CACNA1C: variants seen among roughly 807,000 people sequenced by gnomAD.
CACNA1C encodes the protein calcium voltage-gated channel subunit alpha1 C.
In CACNA1C, 30 loss-of-function variants were observed where a neutral mutation model predicts 229.0. The ratio of observed to expected loss-of-function variants is 0.13; its 90% confidence interval spans 0.10 to 0.18. CACNA1C has a LOEUF of 0.18. Among genes scored for constraint, CACNA1C ranks in the 10% least tolerant of loss-of-function variants. CACNA1C has a pLI of 1.00. For missense variants in CACNA1C, 1,658 were observed against 2,845.0 expected, an observed-to-expected ratio of 0.58 and a Z score of 9.49; for synonymous variants, 1,114 against 1,132.5, an observed-to-expected ratio of 0.98 and a Z score of 0.33.
chr12:2,589,612 C>CAGGGGATGGTGCCGGAGATGCAGAGAAG (rs1215149464), intron 18 of CACNA1C, among the ~76,000 whole-genome samples: 2 of 152,016 alleles, frequency 1.3e-5, no homozygotes, highest in Admixed American at 6.6e-5. Flanking sequence ...GAGGCTGGGT[C>CAGGGGATGGTGCCGGAGATGCAGAGAAG]TGATCCAGTG....
chr12:2,513,267 A>G (rs1340619111), intron 9 of CACNA1C, among the ~76,000 whole-genome samples: 2 of 152,240 alleles, frequency 1.3e-5, no homozygotes, highest in Admixed American at 1.3e-4. Flanking sequence ...TTAAAATCAG[A>G]GATCCTTCTC....
intron 3 of CACNA1C, among the ~76,000 whole-genome samples, chr12:2,340,095 T>C (rs1053169964): frequency 1.3e-5 from 2 of 152,244 alleles, no homozygotes; most frequent in African/African-American, 4.8e-5. Context: ...GTGTTCATAA[T>C]TCATCTGCTG....
In CACNA1C at chr12:2,462,703, C is replaced by G. The variant is rs548047339; in HGVS notation, c.757+4997C>G. Among the ~76,000 whole-genome samples the G allele has an allele frequency of 7.9e-5, 12 of 152,316 alleles. 1 individual carries two copies. The highest frequency in any genetic ancestry group is 3.4e-3 in the Middle Eastern group (1 of 294). On this transcript the variant is annotated intron_variant, in intron 5 of 46. Transcript: ENST00000399655. The stretch of plus-strand genomic sequence containing the variant: ...ACTAAAATGATGTGAGTGGTGCCAG[C>G]TTCCTGGACATGTGCCTTTGCTGGC...
At chr12:2,093,346 T>G (rs1565632719) in intron 1 of CACNA1C, among the ~76,000 whole-genome samples, 1 of 152,218 alleles carries the variant, frequency 6.6e-6, no homozygotes, top group Non-Finnish European at 1.5e-5. Context: ...CTGATGCTTC[T>G]TGACCACTTG....
At chr12:2,340,759 C>T (rs1480795748) in intron 3 of CACNA1C, among the ~76,000 whole-genome samples, 2 of 152,158 alleles carry the variant, frequency 1.3e-5, no homozygotes, top group Non-Finnish European at 2.9e-5. Flanking sequence ...AGATCGAGAC[C>T]ATCCTGGTTA....
At chr12:2,061,620 A>C (rs1594731986) in intron 1 of CACNA1C, among the ~76,000 whole-genome samples, 1 of 152,016 alleles carries the variant, frequency 6.6e-6, no homozygotes, top group African/African-American at 2.4e-5. Flanking sequence ...GCAGCTGTCC[A>C]CCTGCCATGC....
rs115509353 is a variant in CACNA1C, at chr12:2,285,652, C to G, written c.478-163324C>G. Among the ~76,000 whole-genome samples, 1 of 152,164 alleles carries G rather than the reference C, an allele frequency of 6.6e-6. No individual in the cohort carries two copies. The highest frequency in any genetic ancestry group is 1.5e-5 in the Non-Finnish European group (1 of 68,022). ...CAGAGTGATGGACGAGACTTACTTT[C>G]GACGTTCCTAGGCTCCCTTCCACCG... On this transcript the variant is annotated intron_variant, in intron 3 of 46. Transcript: ENST00000399655. The surrounding 1 kb of genome is among the most constrained non-coding windows in gnomAD (Gnocchi z 4.2).
rs1044254864 is a variant in CACNA1C at position 1,988,305 on chromosome 12, A to G, written c.139+17104A>G. Among the ~76,000 whole-genome samples the G allele has an allele frequency of 3.9e-5, 6 of 152,236 alleles. No homozygotes were observed. The East Asian group carries it at 1.2e-3, about 29-fold the overall frequency. ...TCTGCCTGGAATATTGCTGGTCATC[A>G]TGGCAGAAGGAAAAAAGGCAGTAAA... On this transcript the variant is annotated intron_variant, in intron 1 of 46. Coordinates refer to the CACNA1C transcript ENST00000682462.
At position 2,440,137 on chromosome 12, in the gene CACNA1C, C is replaced by T. The variant is rs562215539; in HGVS notation, c.478-8839C>T. 9.9e-5 allele frequency among the ~76,000 whole-genome samples: 15 copies of T among 152,282 alleles called. No individual in the cohort carries two copies. In the South Asian group the frequency reaches 3.1e-3, roughly 32 times the overall value. ...TTTTATTGTGGTAAAATATATATAA[C>T]ACAATTTACCATTCTAACCATTTTT... is the stretch of plus-strand genomic sequence containing the variant. On this transcript the variant is annotated intron_variant, in intron 3 of 46. Transcript: ENST00000399655.
At chr12:2,680,215 G>A in intron 42 of CACNA1C, 2 of 585,764 alleles carry the variant, frequency 3.4e-6, no homozygotes, top group Non-Finnish European at 5.7e-6. Flanking sequence ...CCCTTTGCCA[G>A]CCTCCCGGAG....
intron 1 of CACNA1C, among the ~76,000 whole-genome samples, chr12:2,060,884 T>C (rs991211837): frequency 6.6e-6 from 1 of 152,256 alleles, no homozygotes; most frequent in African/African-American, 2.4e-5. Flanking sequence ...GGCAGAAATG[T>C]TGACTTGAGT....
chr12:2,489,982 A>G (rs1027052978), intron 6 of CACNA1C, among the ~76,000 whole-genome samples: 1 of 151,962 alleles, frequency 6.6e-6, no homozygotes, highest in Non-Finnish European at 1.5e-5. Flanking sequence ...ATTTCTCCTC[A>G]CCCTAGAGTG....
chr12:2,362,942 T>A (rs1392542572), intron 3 of CACNA1C, among the ~76,000 whole-genome samples: 1 of 152,146 alleles, frequency 6.6e-6, no homozygotes, highest in Non-Finnish European at 1.5e-5. Flanking sequence ...CCTAAGGAAA[T>A]CTCTACATAA....
chr12:2,077,843 T>G (rs1271303066), intron 1 of CACNA1C, among the ~76,000 whole-genome samples: 1 of 152,212 alleles, frequency 6.6e-6, no homozygotes, highest in Non-Finnish European at 1.5e-5. Flanking sequence ...GTGTCACCTT[T>G]GAGAGAGCAA....
chr12:2,457,392 T>C (rs1399604724), intron 4 of CACNA1C, among the ~76,000 whole-genome samples, 175 bp from the exon 5 acceptor site: 1 of 152,178 alleles, frequency 6.6e-6, no homozygotes, highest in Non-Finnish European at 1.5e-5. Flanking sequence ...CCACCCACAC[T>C]GAGGGGATGT....
chr12:2,457,448 C>A (rs2099440862), intron 4 of CACNA1C, 119 bp from the exon 5 acceptor site: 15 of 1,061,346 alleles, frequency 1.4e-5, no homozygotes, highest in Admixed American at 2.6e-5. Flanking sequence ...ACAACGCCCG[C>A]CCCTGGGCTG....
At position 1,971,761 on chromosome 12, in the gene CACNA1C, T is replaced by C. The variant is rs2154458100; in HGVS notation, c.139+560T>C. ...GCATGGTGCATTAGTTCATTTTGCA[T>C]GTTCTTTGGGGATTTGCCTTATCTC... is the stretch of plus-strand genomic sequence containing the variant. On this transcript the variant is annotated intron_variant, in intron 1 of 46. Coordinates refer to the CACNA1C transcript ENST00000682462. This position sits in a 1 kb window ranked among gnomAD's most constrained non-coding sequence, Gnocchi z 4.2. 6.6e-6 allele frequency among the ~76,000 whole-genome samples: 1 copy of C among 152,376 alleles called. No individual in the cohort carries two copies. Among genetic ancestry groups the C allele is most frequent in the East Asian group, 1.9e-4 (1 of 5,184 alleles).
intron 29 of CACNA1C, among the ~76,000 whole-genome samples, chr12:2,616,639 G>A (rs2080760393): frequency 6.6e-6 from 1 of 152,256 alleles, no homozygotes; most frequent in Non-Finnish European, 1.5e-5. Flanking sequence ...GGGGCACCCA[G>A]ACACTCTTTT....
chr12:2,320,225 G>A (rs2154494325), intron 3 of CACNA1C, among the ~76,000 whole-genome samples: 1 of 152,240 alleles, frequency 6.6e-6, no homozygotes, highest in Non-Finnish European at 1.5e-5. Flanking sequence ...AGGTCCTGTG[G>A]GATCCAGCTA....
Sources: gnomAD v4.1 joint callset for allele counts (sites outside exome capture counted in the v4.1 genomes callset) on GRCh38, gnomAD v4.1.1 for gene constraint, Gnocchi (gnomAD v3.1) non-coding constraint, MANE v1.5 for transcripts, NCBI Gene and HGNC (gene_info 2026-07-23, HGNC 2026-07-21) for gene names.